Variants in RAB3C observed in about 807,000 individuals in gnomAD.
RAB3C encodes the protein ras-related protein Rab-3C.
A neutral mutation model predicts 26.4 loss-of-function variants in RAB3C; 17 were observed. That is an observed-to-expected ratio of 0.64 (90% CI 0.44 to 0.97). The LOEUF (loss-of-function observed/expected upper bound fraction) is 0.97. Ranked by LOEUF, RAB3C falls within the 50% of genes least tolerant of loss-of-function variation. The probability of loss-of-function intolerance (pLI) is 0.00; values close to 1 mark genes in which losing one functional copy is unlikely to be tolerated. For missense variants in RAB3C, 242 were observed against 281.9 expected (o/e 0.86, Z 1.01); for synonymous variants, 91 against 95.9 (o/e 0.95, Z 0.30).
intron 2 of RAB3C, among the ~76,000 whole-genome samples, chr5:58,671,294 G>GA (rs548270400): frequency 1.3e-5 from 2 of 151,976 alleles, no homozygotes; most frequent in Non-Finnish European, 2.9e-5. Context: ...TTTGAAATAT[G>GA]AAAAAAACCT....
chr5:58,730,041 T>C (rs1740979069), intron 3 of RAB3C, among the ~76,000 whole-genome samples: 1 of 151,102 alleles, frequency 6.6e-6, no homozygotes, highest in Admixed American at 6.6e-5. Context: ...CAAACTGACA[T>C]AGCCAGGAAT....
intron 2 of RAB3C, among the ~76,000 whole-genome samples, chr5:58,668,056 G>T (rs2111818659): frequency 6.6e-6 from 1 of 152,254 alleles, no homozygotes. Context: ...GGGTTGAGTA[G>T]ACTTGACCTC....
intron 3 of RAB3C, among the ~76,000 whole-genome samples, chr5:58,780,359 C>T (rs1030247802): frequency 6.6e-6 from 1 of 152,084 alleles, no homozygotes; most frequent in Non-Finnish European, 1.5e-5. Context: ...CATTGTGCCT[C>T]GCAACGCTGA....
intron 3 of RAB3C, among the ~76,000 whole-genome samples, chr5:58,740,586 C>G (rs937368300): frequency 4.6e-5 from 7 of 152,176 alleles, no homozygotes; most frequent in Admixed American, 2.0e-4. Context: ...CTTTGGGAGG[C>G]TGAGGTGGGT....
chr5:58,646,076 C>T (rs1055161912), intron 2 of RAB3C, among the ~76,000 whole-genome samples: 2 of 152,250 alleles, frequency 1.3e-5, no homozygotes, highest in African/African-American at 4.8e-5. Flanking sequence ...ACAAAAGGAG[C>T]GAAGTCGAAT....
intron 1 of RAB3C, among the ~76,000 whole-genome samples, chr5:58,610,790 G>A (rs146271979): frequency 2.0e-5 from 3 of 152,072 alleles, no homozygotes; most frequent in African/African-American, 2.4e-5. Context: ...GGGTACATGC[G>A]CAGGTTTGTA....
intron 4 of RAB3C, among the ~76,000 whole-genome samples, chr5:58,836,121 A>G (rs1304624310): frequency 6.6e-6 from 1 of 152,200 alleles, no homozygotes; most frequent in African/African-American, 2.4e-5. Context: ...TTCCTGTTAG[A>G]CAATCAGTGT....
intron 1 of RAB3C, among the ~76,000 whole-genome samples, chr5:58,597,777 ATTATATATAAGTATATAACATG>A (rs1312175741): frequency 1.0e-5 from 1 of 100,190 alleles, no homozygotes; most frequent in African/African-American, 4.1e-5. Context: ...CATATAATAC[ATTATATATAAGTATATAACATG>A]TAATACATTA....
chr5:58,672,112 G>A (rs545274867), intron 2 of RAB3C, among the ~76,000 whole-genome samples: 19 of 152,166 alleles, frequency 1.2e-4, no homozygotes, highest in East Asian at 7.7e-4. Context: ...GGTTACTAAC[G>A]AAAACAAAAC....
At chr5:58,648,566 T>C (rs1340741400) in intron 2 of RAB3C, among the ~76,000 whole-genome samples, 1 of 152,204 alleles carries the variant, frequency 6.6e-6, no homozygotes, top group Non-Finnish European at 1.5e-5. Context: ...TGAAAAGATT[T>C]TACCACAAGA....
chr5:58,597,668 A>T (rs1381122733), intron 1 of RAB3C, among the ~76,000 whole-genome samples: 1 of 135,580 alleles, frequency 7.4e-6, no homozygotes, highest in African/African-American at 2.6e-5. Flanking sequence ...ATATATAAGT[A>T]TATAATATAA....
chr5:58,636,375 G>A (rs1747289717), intron 2 of RAB3C, among the ~76,000 whole-genome samples: 1 of 152,146 alleles, frequency 6.6e-6, no homozygotes, highest in Admixed American at 6.5e-5. Flanking sequence ...TTCAGTTTGG[G>A]TTCTGGTCAA....
intron 2 of RAB3C, among the ~76,000 whole-genome samples, chr5:58,679,445 A>G (rs988756238): frequency 3.9e-5 from 6 of 152,172 alleles, no homozygotes; most frequent in Non-Finnish European, 5.9e-5. Flanking sequence ...GAGCGCTTCA[A>G]TCTCAATTTT....
intron 2 of RAB3C, among the ~76,000 whole-genome samples, chr5:58,683,509 C>T (rs894825620): frequency 2.6e-5 from 4 of 152,122 alleles, no homozygotes; most frequent in South Asian, 2.1e-4. Flanking sequence ...TTTCCTATTG[C>T]GGCTATAACC....
chr5:58,594,346 C>T (rs1019043676), intron 1 of RAB3C, among the ~76,000 whole-genome samples: 1 of 152,170 alleles, frequency 6.6e-6, no homozygotes, highest in Non-Finnish European at 1.5e-5. Flanking sequence ...CCACTGAACA[C>T]CTGTCTGAGT....
chr5:58,622,252 T>G (rs937654463), intron 2 of RAB3C, among the ~76,000 whole-genome samples: 1 of 151,946 alleles, frequency 6.6e-6, no homozygotes, highest in Admixed American at 6.6e-5. Context: ...GCCCAGAGTG[T>G]GAAAGCCCTA....
intron 3 of RAB3C, among the ~76,000 whole-genome samples, chr5:58,734,390 G>A: frequency 6.6e-6 from 1 of 152,108 alleles, no homozygotes; most frequent in East Asian, 1.9e-4. Context: ...TCAGTTCTGT[G>A]TCACAGCTCA....
At chr5:58,794,636 T>C (rs1349175412) in intron 3 of RAB3C, 1 of 152,172 alleles carries the variant, frequency 6.6e-6, no homozygotes, top group Non-Finnish European at 1.5e-5. Context: ...TAATTATTTA[T>C]TAAAAAAACA....
In RAB3C at chr5:58,606,433, C is replaced by T. The variant is rs559140956; in HGVS notation, c.25-11210C>T. 4.6e-5 allele frequency among the ~76,000 whole-genome samples: 7 copies of T among 152,360 alleles called. No homozygotes were observed. In the South Asian group the frequency reaches 1.4e-3, roughly 32 times the overall value. On this transcript the variant is annotated intron_variant, in intron 1 of 4. Transcript: ENST00000282878. Reference sequence around the variant, plus strand: ...GCCCACCGCAGCTCAGCAAGGCCTACTGCCTCTATAGACTCCCCCTCTGTG... The same window carrying T: ...GCCCACCGCAGCTCAGCAAGGCCTATTGCCTCTATAGACTCCCCCTCTGTG...
Sources: allele counts gnomAD v4.1 joint callset (sites outside exome capture counted in the v4.1 genomes callset), GRCh38; gene constraint gnomAD v4.1.1; transcripts MANE v1.5; gene names NCBI Gene and HGNC (gene_info 2026-07-23, HGNC 2026-07-21).